TOX: variants seen among roughly 807,000 people sequenced by gnomAD.
TOX encodes thymocyte selection-associated high mobility group box protein TOX.
A neutral mutation model predicts 53.7 loss-of-function variants in TOX; 11 were observed. That is an observed-to-expected ratio of 0.20 (90% CI 0.13 to 0.34). The LOEUF is 0.34. Among genes scored for constraint, TOX ranks in the 10% least tolerant of loss-of-function variants. The probability of loss-of-function intolerance (pLI) is 1.00; values close to 1 mark genes in which losing one functional copy is unlikely to be tolerated. For synonymous variants in TOX, 225 were observed against 245.3 expected (o/e 0.92, Z 0.77); for missense variants, 570 against 664.6 (o/e 0.86, Z 1.56).
intron 3 of TOX, among the ~76,000 whole-genome samples, chr8:58,924,804 A>T (rs908794016): frequency 1.3e-5 from 2 of 152,168 alleles, no homozygotes; most frequent in Admixed American, 1.3e-4. Context: ...AGGGAGATTT[A>T]TTCCTATTTT....
intron 6 of TOX, among the ~76,000 whole-genome samples, chr8:58,824,073 A>T (rs1212049758): frequency 6.7e-6 from 1 of 149,958 alleles, no homozygotes; most frequent in Non-Finnish European, 1.5e-5. Flanking sequence ...ATGCTGTGCC[A>T]TGACTCTGAG....
chr8:58,838,699 C>CTTT (rs35347981), intron 4 of TOX, among the ~76,000 whole-genome samples: 1,530 of 88,762 alleles, frequency 0.017, 257 homozygotes, highest in African/African-American at 0.068. Flanking sequence ...TTATCCTTGT[C>CTTT]TTTTTTTTTT....
intron 3 of TOX, among the ~76,000 whole-genome samples, chr8:58,888,878 A>G (rs1344202374): frequency 6.6e-6 from 1 of 152,068 alleles, no homozygotes; most frequent in Non-Finnish European, 1.5e-5. Context: ...AATTGTATCC[A>G]TACCTCCTCC....
chr8:59,020,989 C>G (rs1563420634), intron 1 of TOX, among the ~76,000 whole-genome samples: 1 of 151,372 alleles, frequency 6.6e-6, no homozygotes, highest in Non-Finnish European at 1.5e-5. Flanking sequence ...GTGGTACATG[C>G]CTGTAGTCCC....
At chr8:58,858,855 G>A (rs1810959821) in intron 3 of TOX, among the ~76,000 whole-genome samples, 1 of 152,156 alleles carries the variant, frequency 6.6e-6, no homozygotes, top group African/African-American at 2.4e-5. Flanking sequence ...ATTAGGGCAG[G>A]AAGGCAAAGC....
intron 1 of TOX, among the ~76,000 whole-genome samples, chr8:58,960,673 G>A (rs565695153): frequency 3.3e-5 from 5 of 152,126 alleles, no homozygotes; most frequent in African/African-American, 1.2e-4. Context: ...AAATTCATAC[G>A]CAAATTTTCA....
intron 6 of TOX, among the ~76,000 whole-genome samples, chr8:58,817,856 G>A (rs943734905): frequency 2.6e-5 from 4 of 151,000 alleles, no homozygotes; most frequent in Non-Finnish European, 4.4e-5. Context: ...ATGTGTAACT[G>A]TAAAAATGTT....
At chr8:58,975,343 A>T (rs755878641) in intron 1 of TOX, among the ~76,000 whole-genome samples, 9 of 152,066 alleles carry the variant, frequency 5.9e-5, no homozygotes, top group Non-Finnish European at 1.3e-4. Context: ...AATTTTTCTA[A>T]CAAAGGGGAG....
chr8:58,858,478 A>G (rs935616373), intron 3 of TOX, among the ~76,000 whole-genome samples: 16 of 152,240 alleles, frequency 1.1e-4, no homozygotes, highest in Non-Finnish European at 2.2e-4. Flanking sequence ...GTTAGAGTGA[A>G]TAGCAGTTGG....
Position 58,851,947 on chromosome 8 carries a change from C to G in TOX, c.412-142G>C. On this transcript the variant is annotated intron_variant, in intron 3 of 8. Coordinates refer to ENST00000361421, the MANE Select transcript of TOX (RefSeq NM_014729.3). The surrounding 1 kb of genome is among the most constrained non-coding windows in gnomAD (Gnocchi z 4.4). ...TGAGTTACATACACATTTATTTTATCTGGGGTAAAATAATCCTAAAAGTAT... is the reference window on the plus strand; with the variant it reads ...TGAGTTACATACACATTTATTTTATGTGGGGTAAAATAATCCTAAAAGTAT... 1 of 742,238 alleles carries G rather than the reference C, an allele frequency of 1.3e-6. No homozygotes were observed. The highest frequency in any genetic ancestry group is 1.8e-6 in the Non-Finnish European group (1 of 559,894). The allele number at this position is 742,238 out of a possible 1,614,324, so 46.0% of individuals were successfully genotyped here.
chr8:59,025,132 C>G (rs1205929224), intron 1 of TOX, among the ~76,000 whole-genome samples: 1 of 152,062 alleles, frequency 6.6e-6, no homozygotes, highest in African/African-American at 2.4e-5. Flanking sequence ...CCTGACAGCC[C>G]CTAGTACTGC....
intron 1 of TOX, among the ~76,000 whole-genome samples, chr8:58,998,500 T>TATATAC (rs1813607406): frequency 1.3e-5 from 1 of 76,652 alleles, no homozygotes; most frequent in African/African-American, 5.9e-5. Context: ...AAAGTATATA[T>TATATAC]ATATATATAT....
chr8:58,950,843 G>A (rs1812610139), intron 2 of TOX, among the ~76,000 whole-genome samples: 1 of 152,030 alleles, frequency 6.6e-6, no homozygotes. Context: ...GGTGGTGCAG[G>A]CATGGCAAAA....
At chr8:58,963,326 G>T (rs1191278410) in intron 1 of TOX, among the ~76,000 whole-genome samples, 1 of 150,646 alleles carries the variant, frequency 6.6e-6, no homozygotes, top group Non-Finnish European at 1.5e-5. Context: ...TAGATAGATA[G>T]ATAGATAGAT....
At chr8:58,934,910 C>A (rs906600914) in intron 3 of TOX, among the ~76,000 whole-genome samples, 8 of 152,180 alleles carry the variant, frequency 5.3e-5, no homozygotes, top group Non-Finnish European at 7.3e-5. Context: ...GATAAGGAAG[C>A]TGGAGTAATT....
intron 2 of TOX, among the ~76,000 whole-genome samples, chr8:58,953,278 T>C (rs1812655023): frequency 6.6e-6 from 1 of 152,218 alleles, no homozygotes; most frequent in African/African-American, 2.4e-5. Context: ...CTGTATTCAG[T>C]ATCCATACAG....
chr8:58,987,949 C>A (rs760998902), intron 1 of TOX, among the ~76,000 whole-genome samples: 12 of 152,252 alleles, frequency 7.9e-5, no homozygotes, highest in Middle Eastern at 3.4e-3. Flanking sequence ...AAGAAGCTGG[C>A]CTAAATGACA....
At chr8:59,002,607 C>CA (rs140801735) in intron 1 of TOX, among the ~76,000 whole-genome samples, 72,010 of 145,284 alleles carry the variant, frequency 0.5, 19,208 homozygotes, top group Non-Finnish European at 0.6. Flanking sequence ...ACAACAACAA[C>CA]AAAAAAAAAA....
intron 1 of TOX, among the ~76,000 whole-genome samples, chr8:59,081,620 A>C (rs1472057796): frequency 6.6e-6 from 1 of 152,222 alleles, no homozygotes; most frequent in African/African-American, 2.4e-5. Context: ...GTGTCTTTAC[A>C]TGATGTCTAA....
Sources: gnomAD v4.1 joint callset for allele counts (sites outside exome capture counted in the v4.1 genomes callset) on GRCh38, gnomAD v4.1.1 for gene constraint, Gnocchi (gnomAD v3.1) non-coding constraint, MANE v1.5 for transcripts, NCBI Gene and HGNC (gene_info 2026-07-23, HGNC 2026-07-21) for gene names.